TG: variants seen among roughly 807,000 people sequenced by gnomAD.
The protein encoded by TG is thyroid hormones.
In TG, 270 loss-of-function variants were observed where a neutral mutation model predicts 324.7. The observed-to-expected ratio is 0.83, with a 90% confidence interval of 0.75 to 0.92. The LOEUF (loss-of-function observed/expected upper bound fraction) is 0.92. TG is among the 40% of genes least tolerant of loss of function. The pLI, the probability that TG is intolerant of heterozygous loss-of-function variation, is 0.00. For synonymous variants in TG, 1,401 were observed against 1,327.0 expected (o/e 1.06, Z -1.21); for missense variants, 3,591 against 3,456.4 (o/e 1.04, Z -0.98).
At chr8:133,061,240 C>G (rs1842328105) in intron 41 of TG, among the ~76,000 whole-genome samples, 1 of 152,196 alleles carries the variant, frequency 6.6e-6, no homozygotes, top group Non-Finnish European at 1.5e-5. Context: ...GACTCCTGAT[C>G]TCAGGTGATC....
chr8:132,929,036 C>A, intron 22 of TG, 40 bp from the exon 23 acceptor site: 2 of 1,550,258 alleles, frequency 1.3e-6, no homozygotes, highest in Non-Finnish European at 1.8e-6. Flanking sequence ...ATGCCCTACA[C>A]CCTTCTGAGT....
Position 133,134,885 on chromosome 8 carries a change from T to G in TG, c.*91T>G. ...ATAGCCACTTACCTTCAATAAAGTATCTACATGCGGTGAAGCATTGTTGAC... is the reference window on the plus strand; with the variant it reads ...ATAGCCACTTACCTTCAATAAAGTAGCTACATGCGGTGAAGCATTGTTGAC... On this transcript the variant is annotated 3_prime_UTR_variant, in exon 48 of 48. Coordinates refer to ENST00000220616, the MANE Select transcript of TG (RefSeq NM_003235.5). The G allele has an allele frequency of 1.0e-6, 1 of 976,166 alleles. No homozygotes were observed. The highest frequency in any genetic ancestry group is 1.3e-5 in the South Asian group (1 of 75,444). 60.5% of individuals were successfully genotyped at this position (976,166 alleles called of 1,614,324 possible). A position where few individuals can be genotyped will look rare whatever the true frequency, so the allele number is the denominator to read the frequency against.
intron 21 of TG, 42 bp downstream of exon 21, chr8:132,919,567 A>G: frequency 1.2e-6 from 2 of 1,610,902 alleles, no homozygotes; most frequent in East Asian, 2.2e-5. Flanking sequence ...AAGCCCTGCA[A>G]TGAAATGGAA....
intron 37 of TG, among the ~76,000 whole-genome samples, chr8:133,014,250 G>A (rs1834820966): frequency 6.6e-6 from 1 of 152,206 alleles, no homozygotes; most frequent in Non-Finnish European, 1.5e-5. Flanking sequence ...CTCCCACAAA[G>A]CCATGCAGCC....
chr8:132,873,188 T>C lies in TG; in HGVS notation c.605T>C (p.Met202Thr). The C allele has an allele frequency of 1.2e-6, 2 of 1,614,052 alleles. No homozygotes were observed. The highest frequency in any genetic ancestry group is 8.5e-7 in the Non-Finnish European group (1 of 1,179,992). Residue 202 changes from methionine to threonine, a missense_variant, in exon 5 of 48, where the codon ATG becomes ACG. Physicochemically the swap from Met to Thr is moderately conservative, Grantham distance 81 (BLOSUM62 -1). Transcript: ENST00000220616. ...VQCKFVNTTD[M>T]MIFDLVHSYN... ...TGCAAATTTGTCAACACCACAGACATGATGATTTTTGATCTGGTCCACAGC... is the reference window on the plus strand; with the variant it reads ...TGCAAATTTGTCAACACCACAGACACGATGATTTTTGATCTGGTCCACAGC...
intron 11 of TG, among the ~76,000 whole-genome samples, chr8:132,895,354 AG>A (rs1265076476): frequency 6.6e-6 from 1 of 152,234 alleles, no homozygotes; most frequent in African/African-American, 2.4e-5. Context: ...CCACGCCAGC[AG>A]GCACTCCAGG....
At position 133,096,328 on chromosome 8, in the gene TG, G is replaced by C; in HGVS notation, c.7527G>C (p.Gly2509=). 1 of 1,614,210 alleles carries C rather than the reference G, an allele frequency of 6.2e-7. No individual in the cohort carries two copies. The highest frequency in any genetic ancestry group is 1.6e-4 in the Middle Eastern group (1 of 6,062). ...SLWVEVDLLI[G]SSQDDGLINR... is the part of the protein sequence containing the mutation. ...GGGTAGAGGTCGATCTGCTCATTGGGAGTTCTCAGGACGACGGGCTCATCA... is the reference window on the plus strand; with the variant it reads ...GGGTAGAGGTCGATCTGCTCATTGGCAGTTCTCAGGACGACGGGCTCATCA... Residue 2509 remains glycine (G), a synonymous_variant, in exon 43 of 48, where the codon GGG becomes GGC. Coordinates refer to ENST00000220616, the MANE Select transcript of TG (RefSeq NM_003235.5).
chr8:133,055,612 A>G (rs1343816815), intron 41 of TG, among the ~76,000 whole-genome samples: 3 of 152,156 alleles, frequency 2.0e-5, no homozygotes, highest in Non-Finnish European at 4.4e-5. Context: ...ACAGATTGGA[A>G]CTAAACAGAC....
At chr8:132,897,453 T>C (rs1241276001) in intron 11 of TG, among the ~76,000 whole-genome samples, 196 bp from the exon 12 acceptor site, 1 of 152,226 alleles carries the variant, frequency 6.6e-6, no homozygotes, top group Admixed American at 6.5e-5. Context: ...CTAAGTGTTA[T>C]TCTTAAAGGA....
Position 132,900,314 on chromosome 8 carries a change from G to T in TG, c.3408G>T (p.Arg1136=), listed in dbSNP as rs1403611821. ...ACCCTGCATCAGGAGAAGAGTTGCG[G>T]CCTGGCTCGAGCAGCAGTGCCCAGT... The part of the protein sequence containing the change: ...CVDPASGEEL[R]PGSSSSAQCP... Residue 1136 remains arginine (R), a synonymous_variant, in exon 15 of 48, where the codon CGG becomes CGT. Coordinates refer to ENST00000220616, the MANE Select transcript of TG (RefSeq NM_003235.5). 5.6e-6 allele frequency: 9 copies of T among 1,613,540 alleles called. No individual in the cohort carries two copies. The highest frequency in any genetic ancestry group is 7.6e-6 in the Non-Finnish European group (9 of 1,179,856).
chr8:132,921,542 C>T (rs1821115630), intron 21 of TG, among the ~76,000 whole-genome samples: 1 of 152,214 alleles, frequency 6.6e-6, no homozygotes, highest in Non-Finnish European at 1.5e-5. Flanking sequence ...AAGAGAAGCA[C>T]AGGGCAGAAG....
At chr8:132,898,690 C>T (rs1447215025) in intron 13 of TG, 108 bp from the exon 14 acceptor site, 1 of 876,914 alleles carries the variant, frequency 1.1e-6, no homozygotes, top group Admixed American at 1.9e-5. Flanking sequence ...ATGAAGAGCA[C>T]CTGCATTCAC....
At chr8:133,046,548 C>T (rs1839437161) in intron 41 of TG, 2 of 152,238 alleles carry the variant, frequency 1.3e-5, no homozygotes, top group Admixed American at 6.5e-5. Context: ...TTTGCATACC[C>T]AAGGTGGGCC....
chr8:132,908,612 A>G (rs550065355), intron 18 of TG, among the ~76,000 whole-genome samples: 1 of 152,118 alleles, frequency 6.6e-6, no homozygotes, highest in Non-Finnish European at 1.5e-5. Context: ...GCTGAGGTCT[A>G]GTAGAGGGCT....
intron 37 of TG, among the ~76,000 whole-genome samples, chr8:133,014,427 C>G (rs1294008912): frequency 2.0e-5 from 3 of 152,180 alleles, no homozygotes; most frequent in Non-Finnish European, 2.9e-5. Flanking sequence ...GAACAGGAAA[C>G]AGGGACTGGG....
intron 41 of TG, among the ~76,000 whole-genome samples, chr8:133,074,040 G>A (rs1209602101): frequency 6.6e-6 from 1 of 152,148 alleles, no homozygotes; most frequent in Admixed American, 6.5e-5. Context: ...CAAAGCTCAG[G>A]TCACTTCTTT....
At chr8:133,002,731 G>T (rs1833652552) in intron 35 of TG, 1 of 251,542 alleles carries the variant, frequency 4.0e-6, no homozygotes. Context: ...CTTCTCTTGG[G>T]CTTCTTTTTC....
At chr8:132,905,090 G>C (rs1818482724) in intron 16 of TG, among the ~76,000 whole-genome samples, 2 of 152,160 alleles carry the variant, frequency 1.3e-5, no homozygotes, top group African/African-American at 2.4e-5. Flanking sequence ...AGCTCTTAAT[G>C]GTGTACCTGG....
intron 6 of TG, 40 bp downstream of exon 6, chr8:132,882,009 T>G: frequency 7.1e-7 from 1 of 1,404,034 alleles, no homozygotes; most frequent in East Asian, 2.3e-5. Context: ...GGAGGGAGTG[T>G]GATTCCTCAG....
Sources: allele counts gnomAD v4.1 joint callset (sites outside exome capture counted in the v4.1 genomes callset), GRCh38; gene constraint gnomAD v4.1.1; transcripts MANE v1.5; gene names NCBI Gene and HGNC (gene_info 2026-07-23, HGNC 2026-07-21).